The following B3GALT1 variants were observed in gnomAD, a reference collection of about 807,000 sequenced individuals.
B3GALT1 encodes beta-1,3-galactosyltransferase 1.
A neutral mutation model predicts 23.2 loss-of-function variants in B3GALT1; 10 were observed. That is an observed-to-expected ratio of 0.43 (90% CI 0.27 to 0.73). The LOEUF (loss-of-function observed/expected upper bound fraction) is 0.73, where lower values mean the gene tolerates loss of function less well. Among genes scored for constraint, B3GALT1 ranks in the 30% least tolerant of loss-of-function variants. B3GALT1 has a pLI of 0.21. For missense variants in B3GALT1, 299 were observed against 405.4 expected (o/e 0.74, Z 2.25); for synonymous variants, 156 against 141.5 (o/e 1.10, Z -0.73).
Position 167,632,957 on chromosome 2 carries a change from T to G in B3GALT1, c.-409-13952T>G, listed in dbSNP as rs181267192. Among the ~76,000 whole-genome samples, 365 of 152,202 alleles carry G rather than the reference T, an allele frequency of 2.4e-3. 1 individual carries two copies. The highest frequency in any genetic ancestry group is 4.3e-3 in the Non-Finnish European group (289 of 67,990). On this transcript the variant is annotated intron_variant, in intron 2 of 4. Transcript: ENST00000392690. ...CTTACATTTAAGTCTTTAATCCATCTTGAGTTAATTTTTGTATAAGGTGTA... is the reference window on the plus strand; with the variant it reads ...CTTACATTTAAGTCTTTAATCCATCGTGAGTTAATTTTTGTATAAGGTGTA...
chr2:167,705,123 C>T (rs370425901), intron 3 of B3GALT1, among the ~76,000 whole-genome samples: 1 of 152,184 alleles, frequency 6.6e-6, no homozygotes, highest in Admixed American at 6.5e-5. Flanking sequence ...GATACACAGA[C>T]ATAAGCAGAC....
intron 2 of B3GALT1, among the ~76,000 whole-genome samples, chr2:167,508,810 A>G (rs1699961596): frequency 6.6e-6 from 1 of 152,266 alleles, no homozygotes; most frequent in Admixed American, 6.5e-5. Flanking sequence ...GGTAGAATTT[A>G]GCAAACACAC....
intron 2 of B3GALT1, among the ~76,000 whole-genome samples, chr2:167,614,196 T>A (rs1055925261): frequency 1.3e-5 from 2 of 151,678 alleles, no homozygotes; most frequent in Admixed American, 1.3e-4. Flanking sequence ...TTTAAAAATT[T>A]AGTAAATTGA....
At chr2:167,584,093 G>C (rs1220560232) in intron 2 of B3GALT1, among the ~76,000 whole-genome samples, 1 of 152,114 alleles carries the variant, frequency 6.6e-6, no homozygotes, top group Non-Finnish European at 1.5e-5. Context: ...GAGAAATGTA[G>C]TCAAGTGGAC....
At chr2:167,464,658 G>A (rs995659320) in intron 1 of B3GALT1, among the ~76,000 whole-genome samples, 3 of 152,116 alleles carry the variant, frequency 2.0e-5, no homozygotes, top group Non-Finnish European at 2.9e-5. Context: ...TTAGTTGAGT[G>A]AACTGAAGTT....
intron 1 of B3GALT1, among the ~76,000 whole-genome samples, chr2:167,331,300 C>G (rs1696969706): frequency 6.6e-6 from 1 of 152,096 alleles, no homozygotes; most frequent in African/African-American, 2.4e-5. Context: ...GCCAGTAGGT[C>G]CAAGCAGGCT....
intron 3 of B3GALT1, among the ~76,000 whole-genome samples, chr2:167,695,938 G>C (rs1254607876): frequency 6.6e-6 from 1 of 152,064 alleles, no homozygotes; most frequent in Non-Finnish European, 1.5e-5. Flanking sequence ...TATACTGTCT[G>C]TTGTGTATTT....
At chr2:167,432,736 G>A (rs1255074663) in intron 1 of B3GALT1, among the ~76,000 whole-genome samples, 1 of 152,142 alleles carries the variant, frequency 6.6e-6, no homozygotes, top group Non-Finnish European at 1.5e-5. Flanking sequence ...TATTCAAAAG[G>A]CAGAGGAAAA....
chr2:167,345,667 C>T (rs1697214420), intron 1 of B3GALT1, among the ~76,000 whole-genome samples: 1 of 152,046 alleles, frequency 6.6e-6, no homozygotes, highest in Admixed American at 6.6e-5. Context: ...TATGTGCTCG[C>T]TGTTATGTCA....
chr2:167,380,278 C>T (rs1211873304), intron 1 of B3GALT1, among the ~76,000 whole-genome samples: 2 of 152,120 alleles, frequency 1.3e-5, no homozygotes, highest in South Asian at 2.1e-4. Context: ...GCAGAGAGGG[C>T]CTCACTGCAC....
chr2:167,566,924 A>G (rs1315773324), intron 2 of B3GALT1, among the ~76,000 whole-genome samples: 1 of 152,220 alleles, frequency 6.6e-6, no homozygotes, highest in Non-Finnish European at 1.5e-5. Flanking sequence ...GTGAACCATC[A>G]TCTGAATCCC....
At chr2:167,616,762 G>A (rs1342543347) in intron 2 of B3GALT1, among the ~76,000 whole-genome samples, 1 of 151,966 alleles carries the variant, frequency 6.6e-6, no homozygotes, top group Non-Finnish European at 1.5e-5. Context: ...CTGGTTGACA[G>A]GAATCTTTAT....
intron 1 of B3GALT1, among the ~76,000 whole-genome samples, chr2:167,305,850 C>T (rs756069324): frequency 2.6e-5 from 4 of 152,176 alleles, no homozygotes; most frequent in African/African-American, 2.4e-5. Context: ...TGCCATCCTG[C>T]GGTCTACTAG....
At chr2:167,759,697 T>C (rs1269515407) in intron 3 of B3GALT1, among the ~76,000 whole-genome samples, 1 of 152,134 alleles carries the variant, frequency 6.6e-6, no homozygotes, top group African/African-American at 2.4e-5. Context: ...TGTCCTGAGC[T>C]GTTGCAGCTT....
intron 2 of B3GALT1, among the ~76,000 whole-genome samples, chr2:167,641,722 T>G (rs535108079): frequency 3.3e-5 from 5 of 152,128 alleles, no homozygotes; most frequent in Non-Finnish European, 7.4e-5. Context: ...GCCTTGGTTT[T>G]CTCTGCTGGC....
At chr2:167,317,743 G>A (rs73015832) in intron 1 of B3GALT1, among the ~76,000 whole-genome samples, 1,759 of 152,192 alleles carry the variant, frequency 0.012, 26 homozygotes, top group Admixed American at 0.033. Flanking sequence ...GCTGCTTCTT[G>A]TGCATGAAGG....
At chr2:167,715,474 A>G in intron 3 of B3GALT1, 10 of 1,608,422 alleles carry the variant, frequency 6.2e-6, no homozygotes, top group Non-Finnish European at 6.8e-6. Flanking sequence ...CAGTCATTGG[A>G]AGAATCTTGC....
Position 167,869,269 on chromosome 2 carries a change from T to C in B3GALT1, c.230T>C (p.Ile77Thr). 1 of 1,614,204 alleles carries C rather than the reference T, an allele frequency of 6.2e-7. No homozygotes were observed. Among genetic ancestry groups the C allele is most frequent in the African/African-American group, 1.3e-5 (1 of 75,048 alleles). ...INEPNKCEKN[I>T]PFLVILISTT... ...GAGCCCAATAAATGTGAGAAAAACA[T>C]TCCTTTTCTTGTTATCCTCATCAGC... The change falls in exon 5 of 5, where the codon ATT (isoleucine) becomes ACT (threonine). Residue 77 changes from isoleucine (I) to threonine (T), a missense_variant. Transcript: ENST00000392690. This position sits in a 1 kb window ranked among gnomAD's most constrained non-coding sequence, Gnocchi z 6.4.
At chr2:167,361,136 T>G (rs965765442) in intron 1 of B3GALT1, among the ~76,000 whole-genome samples, 2 of 152,170 alleles carry the variant, frequency 1.3e-5, no homozygotes, top group Admixed American at 1.3e-4. Flanking sequence ...TGATTCCATA[T>G]CTTGGCTATT....
Sources: gnomAD v4.1 joint callset for allele counts (sites outside exome capture counted in the v4.1 genomes callset) on GRCh38, gnomAD v4.1.1 for gene constraint, Gnocchi (gnomAD v3.1) non-coding constraint, MANE v1.5 for transcripts, NCBI Gene and HGNC (gene_info 2026-07-23, HGNC 2026-07-21) for gene names.